The following XKR6 variants were observed in gnomAD, a reference collection of about 807,000 sequenced individuals.
The protein encoded by XKR6 is XK-related protein 6.
XKR6 carries 22 observed loss-of-function variants against 56.7 expected under a neutral mutation model. That is an observed-to-expected ratio of 0.39 (90% CI 0.28 to 0.55). XKR6 has a LOEUF of 0.55. XKR6 is among the 20% of genes least tolerant of loss of function. XKR6 has a pLI of 0.66. For missense variants in XKR6, 852 were observed against 889.0 expected (o/e 0.96, Z 0.53); for synonymous variants, 524 against 387.8 (o/e 1.35, Z -4.13).
At chr8:11,051,715 C>G (rs936309446) in intron 1 of XKR6, among the ~76,000 whole-genome samples, 1 of 152,162 alleles carries the variant, frequency 6.6e-6, no homozygotes, top group African/African-American at 2.4e-5. Flanking sequence ...ACTGCCTCCA[C>G]CCTACACAGC....
chr8:10,968,439 T>C (rs2129133045), intron 1 of XKR6, among the ~76,000 whole-genome samples: 1 of 152,378 alleles, frequency 6.6e-6, no homozygotes, highest in South Asian at 2.1e-4. Context: ...CCCAGCTTTG[T>C]GCCCTCAGGG....
At chr8:11,031,228 G>C (rs1798986153) in intron 1 of XKR6, among the ~76,000 whole-genome samples, 2 of 152,232 alleles carry the variant, frequency 1.3e-5, no homozygotes, top group African/African-American at 4.8e-5. Context: ...AATAGAGAAA[G>C]AGAGAGAGTG....
At chr8:10,921,703 T>G (rs1389105534) in intron 2 of XKR6, among the ~76,000 whole-genome samples, 3 of 152,174 alleles carry the variant, frequency 2.0e-5, no homozygotes, top group African/African-American at 7.2e-5. Context: ...TCTACCACCC[T>G]GCTACCTGCC....
At chr8:11,116,963 G>A (rs532141020) in intron 1 of XKR6, among the ~76,000 whole-genome samples, 1 of 152,228 alleles carries the variant, frequency 6.6e-6, no homozygotes, top group African/African-American at 2.4e-5. Flanking sequence ...TATATACTTA[G>A]TCTTAACTTT....
intron 1 of XKR6, among the ~76,000 whole-genome samples, chr8:11,063,703 G>A (rs1393931794): frequency 1.3e-5 from 2 of 152,142 alleles, no homozygotes; most frequent in Non-Finnish European, 2.9e-5. Context: ...CCGATGCCAG[G>A]AACATCCACG....
At chr8:11,169,194 C>G (rs1802240941) in intron 1 of XKR6, among the ~76,000 whole-genome samples, 2 of 152,232 alleles carry the variant, frequency 1.3e-5, no homozygotes, top group African/African-American at 4.8e-5. Flanking sequence ...CAGGCACCCT[C>G]TCTGAGGCAG....
At chr8:10,976,667 C>G (rs1481348940) in intron 1 of XKR6, among the ~76,000 whole-genome samples, 1 of 152,098 alleles carries the variant, frequency 6.6e-6, no homozygotes, top group African/African-American at 2.4e-5. Flanking sequence ...AATGAGGCAG[C>G]CACTGTGTCT....
Position 10,960,625 on chromosome 8 carries a change from A to T in XKR6, c.765-35795T>A, listed in dbSNP as rs113222218. Among the ~76,000 whole-genome samples the T allele has an allele frequency of 1.8e-3, 267 of 152,300 alleles. No homozygotes were observed. The South Asian group carries it at 0.018, about 10-fold the overall frequency. On this transcript the variant is annotated intron_variant, in intron 1 of 2. Coordinates refer to ENST00000416569, the MANE Select transcript of XKR6 (RefSeq NM_173683.4). ...GCCCAGCCACAGGGGCATCATTCTC[A>T]ATTTACAGATAAGGAAACTGAGGCT...
At chr8:11,134,053 G>A (rs980576226) in intron 1 of XKR6, among the ~76,000 whole-genome samples, 1 of 152,076 alleles carries the variant, frequency 6.6e-6, no homozygotes, top group Admixed American at 6.6e-5. Flanking sequence ...GCCCCAGAAC[G>A]TGCTGCTGTT....
intron 1 of XKR6, among the ~76,000 whole-genome samples, chr8:11,120,793 G>A (rs1384387274): frequency 9.9e-5 from 15 of 152,134 alleles, no homozygotes; most frequent in South Asian, 6.2e-4. Context: ...ACTATACTAC[G>A]AGGCTACAGT....
intron 1 of XKR6, among the ~76,000 whole-genome samples, chr8:11,121,496 C>G (rs1332314502): frequency 6.6e-6 from 1 of 152,242 alleles, no homozygotes; most frequent in African/African-American, 2.4e-5. Flanking sequence ...TACCATCTCA[C>G]ACCTGTTAGA....
At chr8:10,938,326 G>T (rs899377506) in intron 1 of XKR6, among the ~76,000 whole-genome samples, 1 of 152,158 alleles carries the variant, frequency 6.6e-6, no homozygotes, top group Non-Finnish European at 1.5e-5. Context: ...GATGAACCCG[G>T]TACCTCAGAT....
chr8:11,192,882 G>T (rs544369689), intron 1 of XKR6, among the ~76,000 whole-genome samples: 108 of 152,298 alleles, frequency 7.1e-4, no homozygotes, highest in African/African-American at 2.6e-3. Flanking sequence ...CTGCCCTCTG[G>T]AGGGGCCTGA....
chr8:10,952,141 C>T (rs1196280474), intron 1 of XKR6, among the ~76,000 whole-genome samples: 2 of 152,166 alleles, frequency 1.3e-5, no homozygotes, highest in Admixed American at 6.5e-5. Context: ...ATCCCCATCC[C>T]AGGCCTCAGC....
intron 1 of XKR6, among the ~76,000 whole-genome samples, chr8:11,076,147 C>T (rs940599524): frequency 1.3e-5 from 2 of 152,152 alleles, no homozygotes; most frequent in African/African-American, 4.8e-5. Context: ...TATGATGCTT[C>T]TTATATGAGG....
chr8:11,129,252 T>C (rs559332898), intron 1 of XKR6, among the ~76,000 whole-genome samples: 88 of 152,320 alleles, frequency 5.8e-4, no homozygotes, highest in Non-Finnish European at 1.2e-3. Context: ...GTTAATTGTA[T>C]GTTATGTGAA....
intron 1 of XKR6, among the ~76,000 whole-genome samples, chr8:11,157,528 T>C (rs918068896): frequency 3.4e-5 from 5 of 148,980 alleles, no homozygotes; most frequent in Non-Finnish European, 7.4e-5. Flanking sequence ...GTATGTATGA[T>C]TTTTAGAGAT....
chr8:10,976,272 A>G (rs1802555589), intron 1 of XKR6, among the ~76,000 whole-genome samples: 2 of 152,084 alleles, frequency 1.3e-5, no homozygotes, highest in Admixed American at 6.5e-5. Flanking sequence ...TGAATGAGTG[A>G]CTGATTGTAA....
At chr8:11,165,856 T>C (rs1327987221) in intron 1 of XKR6, among the ~76,000 whole-genome samples, 1 of 152,128 alleles carries the variant, frequency 6.6e-6, no homozygotes, top group Non-Finnish European at 1.5e-5. Context: ...TCCTATACTA[T>C]ATCTCACGTT....
Sources: allele counts gnomAD v4.1 joint callset (sites outside exome capture counted in the v4.1 genomes callset), GRCh38; gene constraint gnomAD v4.1.1; transcripts MANE v1.5; gene names NCBI Gene and HGNC (gene_info 2026-07-23, HGNC 2026-07-21).